AGBL1: variants seen among roughly 807,000 people sequenced by gnomAD.
AGBL1 encodes the protein cytosolic carboxypeptidase 4.
AGBL1 carries 130 observed loss-of-function variants against 118.9 expected under a neutral mutation model. That is an observed-to-expected ratio of 1.09 (90% CI 0.95 to 1.26). The LOEUF (loss-of-function observed/expected upper bound fraction) is 1.26. Ranked by LOEUF, AGBL1 falls within the 50% of genes most tolerant of loss-of-function variation. The pLI is 0.00. For missense variants in AGBL1, 1,584 were observed against 1,298.1 expected, an observed-to-expected ratio of 1.22 and a Z score of -3.38; for synonymous variants, 555 against 478.9, an observed-to-expected ratio of 1.16 and a Z score of -2.08.
At chr15:86,207,448 G>A (rs2141874647) in intron 5 of AGBL1, among the ~76,000 whole-genome samples, 1 of 152,232 alleles carries the variant, frequency 6.6e-6, no homozygotes, top group South Asian at 2.1e-4. Flanking sequence ...CCATGAGCCT[G>A]GAATGTTCTT....
At chr15:86,685,403 C>A (rs1394411046) in intron 22 of AGBL1, among the ~76,000 whole-genome samples, 1 of 152,038 alleles carries the variant, frequency 6.6e-6, no homozygotes, top group East Asian at 1.9e-4. Context: ...TTAGCATAAG[C>A]CAATATTGTT....
chr15:86,920,682 A>G (rs2080474156), downstream of AGBL1, among the ~76,000 whole-genome samples: 1 of 152,214 alleles, frequency 6.6e-6, no homozygotes, highest in Non-Finnish European at 1.5e-5. Flanking sequence ...ATCCTATAAC[A>G]TAGGTATATT....
intron 12 of AGBL1, among the ~76,000 whole-genome samples, 154 bp from the exon 13 acceptor site, chr15:86,266,836 G>A (rs2079081420): frequency 2.0e-5 from 3 of 152,196 alleles, no homozygotes; most frequent in South Asian, 4.1e-4. Flanking sequence ...GGGAGGCGGA[G>A]GTTGCAGTGA....
rs1270159113 is a variant in AGBL1 at position 86,767,744 on chromosome 15, T to A, written c.3158+93308T>A. 3.3e-5 allele frequency among the ~76,000 whole-genome samples: 5 copies of A among 151,950 alleles called. No individual in the cohort carries two copies. The East Asian group carries it at 9.7e-4, about 29-fold the overall frequency. ...AGTTCACCAGACTAAGAACAGAGAT[T>A]TTAAAAGTCAGATTTTCTGATGCGA... On this transcript the variant is annotated intron_variant, in intron 22 of 22. Coordinates refer to ENST00000614907, the MANE Select transcript of AGBL1 (RefSeq NM_001386094.1).
chr15:86,162,101 C>T (rs749501525), intron 5 of AGBL1, among the ~76,000 whole-genome samples: 3 of 152,184 alleles, frequency 2.0e-5, no homozygotes, highest in Non-Finnish European at 4.4e-5. Context: ...CTTTCACAAA[C>T]TCCATCCTGA....
intron 23 of AGBL1, among the ~76,000 whole-genome samples, chr15:86,980,848 A>G (rs1025519596): frequency 4.7e-5 from 7 of 150,132 alleles, no homozygotes; most frequent in Non-Finnish European, 8.9e-5. Flanking sequence ...AGCTTTATCT[A>G]CTGTCTACTA....
chr15:86,305,652 T>A (rs2079827545), intron 17 of AGBL1, among the ~76,000 whole-genome samples: 1 of 152,216 alleles, frequency 6.6e-6, no homozygotes, highest in South Asian at 2.1e-4. Flanking sequence ...ATTCCTCCTA[T>A]TACTACTCCT....
At chr15:87,017,345 C>G (rs958949219) in intron 24 of AGBL1, among the ~76,000 whole-genome samples, 6 of 152,130 alleles carry the variant, frequency 3.9e-5, no homozygotes, top group Admixed American at 2.6e-4. Flanking sequence ...GACTTCTCAA[C>G]AGAGGTCTCC....
intron 24 of AGBL1, among the ~76,000 whole-genome samples, chr15:86,990,872 G>A (rs899668399): frequency 2.0e-5 from 3 of 152,160 alleles, no homozygotes; most frequent in African/African-American, 7.2e-5. Flanking sequence ...TTTATAGGCT[G>A]TCTGGGGCCT....
intron 22 of AGBL1, among the ~76,000 whole-genome samples, chr15:86,775,500 A>G (rs1359331193): frequency 2.0e-5 from 3 of 152,134 alleles, no homozygotes; most frequent in African/African-American, 7.2e-5. Context: ...GTGAGAGATG[A>G]CATAGAAATT....
intron 24 of AGBL1, among the ~76,000 whole-genome samples, chr15:86,990,790 G>A (rs1286715426): frequency 6.6e-6 from 1 of 152,168 alleles, no homozygotes; most frequent in African/African-American, 2.4e-5. Flanking sequence ...ACCTCCGAAG[G>A]TGGTTCAAGG....
intron 22 of AGBL1, among the ~76,000 whole-genome samples, chr15:86,891,315 A>C (rs1399376462): frequency 6.6e-6 from 1 of 152,082 alleles, no homozygotes; most frequent in African/African-American, 2.4e-5. Context: ...TCAGACAATG[A>C]GAAAATGTTC....
At chr15:86,781,164 TTC>T (rs1348823672) in intron 22 of AGBL1, among the ~76,000 whole-genome samples, 2 of 152,166 alleles carry the variant, frequency 1.3e-5, no homozygotes, top group South Asian at 2.1e-4. Flanking sequence ...TTTTTTCAAG[TTC>T]TCTCTGTCAT....
intron 15 of AGBL1, among the ~76,000 whole-genome samples, chr15:86,278,613 A>G (rs1334650042): frequency 2.6e-5 from 4 of 152,206 alleles, no homozygotes; most frequent in Admixed American, 2.0e-4. Flanking sequence ...ATAATTACCT[A>G]CTATTTCTTC....
At chr15:86,857,639 G>A (rs1041248869) in intron 22 of AGBL1, among the ~76,000 whole-genome samples, 1 of 152,118 alleles carries the variant, frequency 6.6e-6, no homozygotes, top group Non-Finnish European at 1.5e-5. Flanking sequence ...TATCATCACA[G>A]AGAGTAGTCA....
intron 23 of AGBL1, among the ~76,000 whole-genome samples, chr15:86,925,755 G>A (rs1410406514): frequency 7.4e-6 from 1 of 135,650 alleles, no homozygotes; most frequent in Admixed American, 8.0e-5. Context: ...TTTTGAGACA[G>A]AGTCTCACTC....
At chr15:87,009,110 C>T (rs2081533144) in intron 24 of AGBL1, among the ~76,000 whole-genome samples, 1 of 152,100 alleles carries the variant, frequency 6.6e-6, no homozygotes, top group Non-Finnish European at 1.5e-5. Flanking sequence ...AAAATGTCTC[C>T]AGGGCATATC....
intron 21 of AGBL1, among the ~76,000 whole-genome samples, chr15:86,584,368 G>A (rs2084216174): frequency 6.6e-6 from 1 of 152,054 alleles, no homozygotes; most frequent in South Asian, 2.1e-4. Flanking sequence ...TTGCATATGA[G>A]GAAAGGTATG....
intron 19 of AGBL1, among the ~76,000 whole-genome samples, chr15:86,538,089 G>A (rs747413118): frequency 5.3e-5 from 8 of 152,124 alleles, no homozygotes; most frequent in Non-Finnish European, 8.8e-5. Context: ...TCCCACTGTG[G>A]GCAGTCTCAT....
Sources: allele counts gnomAD v4.1 joint callset (sites outside exome capture counted in the v4.1 genomes callset), GRCh38; gene constraint gnomAD v4.1.1; transcripts MANE v1.5; gene names NCBI Gene and HGNC (gene_info 2026-07-23, HGNC 2026-07-21).